PTPRT: variants seen among roughly 807,000 people sequenced by gnomAD.
PTPRT encodes protein tyrosine phosphatase receptor type T, also known as receptor-type tyrosine-protein phosphatase T.
In PTPRT, 56 loss-of-function variants were observed where a neutral mutation model predicts 176.8. The observed-to-expected ratio is 0.32, with a 90% CI of 0.26 to 0.40. PTPRT has a LOEUF of 0.40. Ranked by LOEUF, PTPRT falls within the 10% of genes least tolerant of loss-of-function variation. The pLI is 1.00. For synonymous variants in PTPRT, 783 were observed against 739.0 expected (o/e 1.06, Z -0.96); for missense variants, 1,540 against 1,908.2 (o/e 0.81, Z 3.60).
intron 2 of PTPRT, among the ~76,000 whole-genome samples, chr20:42,877,759 G>A (rs1048029478): frequency 6.6e-6 from 1 of 152,130 alleles, no homozygotes; most frequent in African/African-American, 2.4e-5. Flanking sequence ...ATAAACATGA[G>A]GGAGCCCACA....
chr20:42,235,130 A>C (rs1249453611), intron 15 of PTPRT, among the ~76,000 whole-genome samples: 2 of 152,190 alleles, frequency 1.3e-5, no homozygotes, highest in African/African-American at 4.8e-5. Context: ...CAAAAATAGA[A>C]AGTGCATATT....
chr20:43,092,220 C>A (rs1261548129), intron 1 of PTPRT, among the ~76,000 whole-genome samples: 27 of 152,134 alleles, frequency 1.8e-4, no homozygotes, highest in Admixed American at 1.8e-3. Flanking sequence ...CCACAGGGGA[C>A]AAACGAGACT....
intron 8 of PTPRT, among the ~76,000 whole-genome samples, chr20:42,466,840 G>A (rs1047109538): frequency 6.6e-6 from 1 of 152,084 alleles, no homozygotes; most frequent in Non-Finnish European, 1.5e-5. Context: ...CCTAATAAGT[G>A]GTTGGCCTCA....
At chr20:42,993,279 G>A (rs955225108) in intron 1 of PTPRT, among the ~76,000 whole-genome samples, 23 of 150,806 alleles carry the variant, frequency 1.5e-4, no homozygotes, top group Admixed American at 1.1e-3. Flanking sequence ...TTAGCCGGGC[G>A]TGGTGGCGGG....
chr20:42,876,449 G>T (rs893205761), intron 2 of PTPRT, among the ~76,000 whole-genome samples: 1 of 152,080 alleles, frequency 6.6e-6, no homozygotes, highest in Non-Finnish European at 1.5e-5. Context: ...GAGTGTGCCA[G>T]GCCCCAGAGC....
At chr20:42,450,795 G>A (rs1332426171) in intron 8 of PTPRT, among the ~76,000 whole-genome samples, 1 of 152,166 alleles carries the variant, frequency 6.6e-6, no homozygotes, top group Non-Finnish European at 1.5e-5. Flanking sequence ...ATAACAAAGA[G>A]AGATGTAGTC....
chr20:42,802,482 CT>C (rs1310518216), intron 2 of PTPRT, among the ~76,000 whole-genome samples: 1 of 152,240 alleles, frequency 6.6e-6, no homozygotes, highest in Admixed American at 6.5e-5. Context: ...TAATTAGACA[CT>C]TATTGACTCC....
At chr20:43,055,685 C>T (rs1987206166) in intron 1 of PTPRT, among the ~76,000 whole-genome samples, 1 of 152,210 alleles carries the variant, frequency 6.6e-6, no homozygotes, top group Non-Finnish European at 1.5e-5. Flanking sequence ...ATTCCTCAAA[C>T]AGCAAGCTAG....
At chr20:42,975,089 T>G (rs1485561797) in intron 1 of PTPRT, among the ~76,000 whole-genome samples, 1 of 152,214 alleles carries the variant, frequency 6.6e-6, no homozygotes, top group East Asian at 1.9e-4. Context: ...GGAAATAATC[T>G]GTGGAATATC....
rs200059750 is a variant in PTPRT at position 42,702,798 on chromosome 20, C to T, written c.860-24639G>A. Among the ~76,000 whole-genome samples, 4 of 152,176 alleles carry T rather than the reference C, an allele frequency of 2.6e-5. No homozygotes were observed. In the East Asian group the frequency reaches 7.7e-4, roughly 29 times the overall value. On this transcript the variant is annotated intron_variant, in intron 6 of 30. Transcript: ENST00000373187. ...AGAAAGTCAGTGGCAGAGCTAGAAC[C>T]AGATCTTCTTGATTCAAAGGCTCTA...
chr20:42,849,973 T>G (rs2078440554), intron 2 of PTPRT, among the ~76,000 whole-genome samples: 1 of 152,184 alleles, frequency 6.6e-6, no homozygotes, highest in Admixed American at 6.5e-5. Flanking sequence ...TCATCACCTA[T>G]TAAATGGAAG....
chr20:42,188,632 T>C (rs952031375), intron 16 of PTPRT, among the ~76,000 whole-genome samples: 2 of 152,106 alleles, frequency 1.3e-5, no homozygotes, highest in African/African-American at 4.8e-5. Flanking sequence ...GGGGGGGAAA[T>C]TGGTCTCTAA....
intron 12 of PTPRT, among the ~76,000 whole-genome samples, chr20:42,305,133 G>T (rs1013709895): frequency 2.0e-5 from 3 of 151,952 alleles, no homozygotes; most frequent in African/African-American, 2.4e-5. Context: ...CAGGAGGATT[G>T]CTTGAGGTCA....
At chr20:42,942,133 G>C (rs1397725107) in intron 1 of PTPRT, among the ~76,000 whole-genome samples, 1 of 152,170 alleles carries the variant, frequency 6.6e-6, no homozygotes, top group African/African-American at 2.4e-5. Context: ...GGGAGCTGCT[G>C]TCCTGTGAAG....
rs566232554 is a variant in PTPRT, at chr20:42,715,011, G to T, written c.860-36852C>A. ...GAACCTCTGGAATCCTGGCCCACCT[G>T]CAGTGGAGTTGCAGTTGAGGCTTCA... On this transcript the variant is annotated intron_variant, in intron 6 of 30. Coordinates refer to ENST00000373187, the MANE Select transcript of PTPRT (RefSeq NM_007050.6). Among the ~76,000 whole-genome samples the T allele has an allele frequency of 2.6e-5, 4 of 152,306 alleles. No homozygotes were observed. The East Asian group carries it at 7.7e-4, about 29-fold the overall frequency.
intron 1 of PTPRT, among the ~76,000 whole-genome samples, chr20:43,073,397 C>T (rs1443809782): frequency 6.6e-6 from 1 of 151,872 alleles, no homozygotes; most frequent in African/African-American, 2.4e-5. Context: ...TTACTCTAAT[C>T]ATGCATCCTC....
intron 6 of PTPRT, among the ~76,000 whole-genome samples, chr20:42,726,443 G>A (rs1053747084): frequency 6.6e-6 from 1 of 152,198 alleles, no homozygotes; most frequent in Non-Finnish European, 1.5e-5. Context: ...CCATGGAGTG[G>A]ATGGTAACTT....
chr20:42,273,600 A>T (rs917645597), intron 13 of PTPRT, among the ~76,000 whole-genome samples: 1 of 152,208 alleles, frequency 6.6e-6, no homozygotes, highest in African/African-American at 2.4e-5. Context: ...AGAATCAAAG[A>T]CCATCCAAAT....
chr20:42,353,832 A>G (rs1343828778), intron 9 of PTPRT, among the ~76,000 whole-genome samples: 3 of 152,202 alleles, frequency 2.0e-5, no homozygotes, highest in Non-Finnish European at 4.4e-5. Context: ...GAGGATTGCT[A>G]GAACCAGGAG....
Sources: gnomAD v4.1 joint callset for allele counts (sites outside exome capture counted in the v4.1 genomes callset) on GRCh38, gnomAD v4.1.1 for gene constraint, MANE v1.5 for transcripts, NCBI Gene and HGNC (gene_info 2026-07-23, HGNC 2026-07-21) for gene names.